The following LPCAT2 variants were observed in gnomAD, a reference collection of about 807,000 sequenced individuals.
The protein encoded by LPCAT2 is 1-AGP acyltransferase 11.
In LPCAT2, 58 loss-of-function variants were observed where a neutral mutation model predicts 64.7. The ratio of observed to expected loss-of-function variants is 0.90; its 90% CI spans 0.73 to 1.12. The LOEUF (loss-of-function observed/expected upper bound fraction) is 1.12. Ranked by LOEUF, LPCAT2 falls within the 50% of genes most tolerant of loss-of-function variation. The pLI, the probability that LPCAT2 is intolerant of heterozygous loss-of-function variation, is 0.00. For synonymous variants in LPCAT2, 252 were observed against 245.3 expected (o/e 1.03, Z -0.26); for missense variants, 579 against 669.8 (o/e 0.86, Z 1.50).
In LPCAT2 at chr16:55,583,407, A is replaced by G. The variant is rs1379211763; in HGVS notation, c.*309A>G. ...TGAATGCAATGGTCTATTGGTGAGC[A>G]TTGAGCAACACTGTATAAAGTTTTA... On this transcript the variant is annotated 3_prime_UTR_variant, in exon 14 of 14. Transcript: ENST00000262134. 1 of 219,354 alleles carries G rather than the reference A, an allele frequency of 4.6e-6. No homozygotes were observed. The highest frequency in any genetic ancestry group is 2.3e-5 in the African/African-American group (1 of 44,094). The allele number at this position is 219,354 out of a possible 1,614,324, so 13.6% of individuals were successfully genotyped here. A position where few individuals can be genotyped will look rare whatever the true frequency, so the allele number is the denominator to read the frequency against.
chr16:55,529,699 A>C, intron 3 of LPCAT2, 136 bp from the exon 4 acceptor site: 1 of 448,564 alleles, frequency 2.2e-6, no homozygotes, highest in Non-Finnish European at 3.9e-6. Flanking sequence ...GCTAAGTTCT[A>C]ATAAATTGTT....
chr16:55,549,237 T>TTTA (rs199630817), intron 9 of LPCAT2, 40 bp from the exon 10 acceptor site: 39,389 of 1,329,730 alleles, frequency 0.03, 409 homozygotes, highest in East Asian at 0.097. Flanking sequence ...CTTTTTTTTT[T>TTTA]AAAAAAAATG....
intron 8 of LPCAT2, among the ~76,000 whole-genome samples, chr16:55,544,122 C>T (rs1963426801): frequency 6.6e-6 from 1 of 152,096 alleles, no homozygotes; most frequent in African/African-American, 2.4e-5. Context: ...CTGAAGTTAC[C>T]ACTTAAAAAC....
chr16:55,515,081 C>T (rs1401731324), intron 1 of LPCAT2, among the ~76,000 whole-genome samples: 1 of 151,984 alleles, frequency 6.6e-6, no homozygotes, highest in Non-Finnish European at 1.5e-5. Context: ...ACGCTATCAG[C>T]TTTACCAACA....
At chr16:55,533,011 C>G in intron 6 of LPCAT2, 129 bp downstream of exon 6, 1 of 636,810 alleles carries the variant, frequency 1.6e-6, no homozygotes, top group African/African-American at 1.8e-5. Flanking sequence ...AGAGCTCATT[C>G]TGCTCGCCAC....
At chr16:55,551,320 A>AATATC (rs112743313) in intron 11 of LPCAT2, 129 of 130,052 alleles carry the variant, frequency 9.9e-4, no homozygotes, top group African/African-American at 3.4e-3. Flanking sequence ...TATATAATAA[A>AATATC]ATATCATATC....
At chr16:55,558,571 A>G (rs979824342) in intron 11 of LPCAT2, among the ~76,000 whole-genome samples, 1 of 152,176 alleles carries the variant, frequency 6.6e-6, no homozygotes, top group Non-Finnish European at 1.5e-5. Context: ...TTAATTTTCT[A>G]TCTAACACTG....
chr16:55,576,416 A>C (rs572406513), intron 12 of LPCAT2, among the ~76,000 whole-genome samples: 305 of 152,250 alleles, frequency 2.0e-3, no homozygotes, highest in African/African-American at 6.9e-3. Flanking sequence ...TTAGAATATT[A>C]GTCAAGATTC....
intron 11 of LPCAT2, chr16:55,566,990 T>C (rs773515095): frequency 1.2e-6 from 2 of 1,613,858 alleles, no homozygotes; most frequent in South Asian, 1.1e-5. Context: ...GTGAGGAAGT[T>C]AGGCGATTTC....
intron 10 of LPCAT2, among the ~76,000 whole-genome samples, chr16:55,550,062 A>T (rs148466410): frequency 1.7e-4 from 26 of 152,348 alleles, no homozygotes; most frequent in African/African-American, 6.3e-4. Flanking sequence ...CTGAAGAACC[A>T]GTTACTATAT....
At chr16:55,568,395 G>C (rs1963731796) in intron 11 of LPCAT2, among the ~76,000 whole-genome samples, 1 of 152,076 alleles carries the variant, frequency 6.6e-6, no homozygotes, top group Admixed American at 6.6e-5. Flanking sequence ...CTACAGGCAG[G>C]AAATAAGCAG....
chr16:55,545,990 T>C (rs1385206007), intron 9 of LPCAT2, among the ~76,000 whole-genome samples, 173 bp downstream of exon 9: 1 of 152,106 alleles, frequency 6.6e-6, no homozygotes, highest in Admixed American at 6.6e-5. Flanking sequence ...TCTATAAGTA[T>C]TTTCCCCAGC....
At chr16:55,556,670 C>T (rs1963579679) in intron 11 of LPCAT2, among the ~76,000 whole-genome samples, 1 of 152,136 alleles carries the variant, frequency 6.6e-6, no homozygotes, top group African/African-American at 2.4e-5. Flanking sequence ...ATGGTGTGAA[C>T]CCAGGAGGCG....
intron 1 of LPCAT2, among the ~76,000 whole-genome samples, chr16:55,511,834 A>G (rs1283735329): frequency 6.6e-6 from 1 of 151,996 alleles, no homozygotes; most frequent in Admixed American, 6.5e-5. Flanking sequence ...TATACTTTAA[A>G]CTCATTCCAA....
At chr16:55,561,502 T>C (rs997861794) in intron 11 of LPCAT2, among the ~76,000 whole-genome samples, 1 of 151,676 alleles carries the variant, frequency 6.6e-6, no homozygotes, top group African/African-American at 2.4e-5. Context: ...AATCTAATAA[T>C]AGTCTTTTAT....
chr16:55,567,070 A>G (rs1415635648), intron 11 of LPCAT2: 1 of 1,613,838 alleles, frequency 6.2e-7, no homozygotes, highest in Non-Finnish European at 8.5e-7. Context: ...AATATTCTCA[A>G]CAAAGTCCTT....
At position 55,584,921 on chromosome 16, in the gene LPCAT2, T is replaced by C. The variant is rs1963928070; in HGVS notation, c.*1823T>C. 2 of 152,102 alleles carry C rather than the reference T, an allele frequency of 1.3e-5. No individual in the cohort carries two copies. Among genetic ancestry groups the C allele is most frequent in the African/African-American group, 4.8e-5 (2 of 41,412 alleles). 9.4% of individuals were successfully genotyped at this position (152,102 alleles called of 1,614,324 possible). ...AGAACAGTACATTTTTATCAGAGTG[T>C]CTGTCATATGCAATGAATGTATGTA... is the stretch of plus-strand genomic sequence containing the variant. On this transcript the variant is annotated 3_prime_UTR_variant, in exon 14 of 14. Coordinates refer to ENST00000262134, the MANE Select transcript of LPCAT2 (RefSeq NM_017839.5).
rs1000166669 is a variant in LPCAT2, at chr16:55,585,092, G to A, written c.*1994G>A. ...CTTTCCTGTTTTAAAAATATTTTAT[G>A]CTCTTTATTTCCACTTCTGTGAATG... On this transcript the variant is annotated 3_prime_UTR_variant, in exon 14 of 14. Coordinates refer to ENST00000262134, the MANE Select transcript of LPCAT2 (RefSeq NM_017839.5). 6.6e-6 allele frequency: 1 copy of A among 151,996 alleles called. No homozygotes were observed. The highest frequency in any genetic ancestry group is 6.6e-5 in the Admixed American group (1 of 15,258). 9.4% of individuals were successfully genotyped at this position (151,996 alleles called of 1,614,324 possible).
At chr16:55,539,081 G>A (rs1338831888) in intron 8 of LPCAT2, 1 of 151,970 alleles carries the variant, frequency 6.6e-6, no homozygotes, top group Non-Finnish European at 1.5e-5. Flanking sequence ...GTACCCCTCT[G>A]TAGCTAAAAC....
Sources: gnomAD v4.1 joint callset for allele counts (sites outside exome capture counted in the v4.1 genomes callset) on GRCh38, gnomAD v4.1.1 for gene constraint, MANE v1.5 for transcripts, NCBI Gene and HGNC (gene_info 2026-07-23, HGNC 2026-07-21) for gene names.